NUP155: variants seen among roughly 807,000 people sequenced by gnomAD.
NUP155 encodes nucleoporin 155.
In NUP155, 71 loss-of-function variants were observed where a neutral mutation model predicts 180.4. That is an observed-to-expected ratio of 0.39 (90% confidence interval 0.33 to 0.48). The LOEUF (loss-of-function observed/expected upper bound fraction) is 0.48. Among genes scored for constraint, NUP155 ranks in the 20% least tolerant of loss-of-function variants. The pLI is 0.91. For missense variants in NUP155, 1,553 were observed against 1,648.9 expected, an observed-to-expected ratio of 0.94 and a Z score of 1.01; for synonymous variants, 582 against 559.5, an observed-to-expected ratio of 1.04 and a Z score of -0.57.
chr5:37,303,244 G>A lies in NUP155; in HGVS notation c.3317+16C>T, dbSNP rs1742963226. 6.2e-7 allele frequency: 1 copy of A among 1,613,298 alleles called. No homozygotes were observed. On this transcript the variant is annotated intron_variant, in intron 28 of 34. Coordinates refer to ENST00000231498, the MANE Select transcript of NUP155 (RefSeq NM_153485.3). ...AGTTTTGAATCATTCTTCACAATAA[G>A]AATATTATGCCATACCTATGCATGT...
intron 30 of NUP155, among the ~76,000 whole-genome samples, 155 bp from the exon 31 acceptor site, chr5:37,299,723 TAACTCCATATTTAAA>T (rs948380776): frequency 6.6e-6 from 1 of 152,086 alleles, no homozygotes; most frequent in African/African-American, 2.4e-5. Flanking sequence ...TAGCTGGTTA[TAACTCCATATTTAAA>T]AAGTTAAGGG....
chr5:37,299,431 T>C lies in NUP155; in HGVS notation c.3682+17A>G, dbSNP rs763615511. ...ACTACATAACGTATGCTAACATACC[T>C]ATAACTGAACACTTACCTTTCTCTA... On this transcript the variant is annotated intron_variant, in intron 31 of 34. Coordinates refer to ENST00000231498, the MANE Select transcript of NUP155 (RefSeq NM_153485.3). The C allele has an allele frequency of 6.2e-7, 1 of 1,613,986 alleles. No individual in the cohort carries two copies. The highest frequency in any genetic ancestry group is 1.7e-5 in the Admixed American group (1 of 60,024).
At position 37,331,742 on chromosome 5, in the gene NUP155, A is replaced by T. The variant is rs1193713342; in HGVS notation, c.1572T>A (p.Leu524=). ...LRPVDQLRHL[L]VSNVGGDGEE... is the part of the protein sequence containing the mutation. ...CTCCATCTCCTCCCACATTACTCAC[A>T]AGTAGATGCCTCAGTTGATCTACAG... The change falls in exon 14 of 35, where the codon CTT becomes CTA. Residue 524 remains leucine (L), a synonymous_variant. Coordinates refer to ENST00000231498, the MANE Select transcript of NUP155 (RefSeq NM_153485.3). 6.2e-7 allele frequency: 1 copy of T among 1,611,950 alleles called. No homozygotes were observed. Among genetic ancestry groups the T allele is most frequent in the Admixed American group, 1.7e-5 (1 of 60,016 alleles).
chr5:37,301,967 A>G (rs972193596), intron 29 of NUP155, among the ~76,000 whole-genome samples: 1 of 152,180 alleles, frequency 6.6e-6, no homozygotes, highest in Non-Finnish European at 1.5e-5. Context: ...CAGAGGCCCT[A>G]GGGAATGGTA....
intron 12 of NUP155, 75 bp from the exon 13 acceptor site, chr5:37,333,708 TAAA>T (rs1189319833): frequency 9.8e-6 from 10 of 1,021,370 alleles, no homozygotes; most frequent in Admixed American, 6.4e-5. Flanking sequence ...ACAGACTTAA[TAAA>T]GAAGTAAATT....
intron 18 of NUP155, chr5:37,327,243 T>C (rs1581165458): frequency 7.2e-6 from 2 of 277,564 alleles, no homozygotes; most frequent in East Asian, 9.8e-5. Context: ...ACAAAAAACA[T>C]ACAAAACGTG....
chr5:37,367,765 C>G (rs1417111912), intron 1 of NUP155, among the ~76,000 whole-genome samples: 1 of 151,796 alleles, frequency 6.6e-6, no homozygotes, highest in Non-Finnish European at 1.5e-5. Flanking sequence ...CATCTCCTGA[C>G]CTCGTGATCC....
Position 37,299,541 on chromosome 5 carries a change from T to C in NUP155, c.3589A>G (p.Lys1197Glu). The change falls in exon 31 of 35, where the codon AAA becomes GAA. Residue 1197 changes from lysine to glutamate, a missense_variant. Lys to Glu is a moderately conservative substitution (Grantham distance 56). Transcript: ENST00000231498. ...ATTGCAAGTTTGCACTCTGCAAGTT[T>C]AAATGGGTCAGCAAATTCCCCATAA... ...KLYGEFADPF[K>E]LAECKLAIIH... 3 of 1,614,068 alleles carry C rather than the reference T, an allele frequency of 1.9e-6. No homozygotes were observed. Among genetic ancestry groups the C allele is most frequent in the Non-Finnish European group, 2.5e-6 (3 of 1,179,952 alleles).
chr5:37,354,964 C>T (rs967409196), intron 4 of NUP155, among the ~76,000 whole-genome samples: 14 of 151,620 alleles, frequency 9.2e-5, no homozygotes, highest in African/African-American at 2.2e-4. Context: ...TGCTGGCGGG[C>T]GCCTGTAATC....
chr5:37,347,105 G>A (rs1746142026), intron 9 of NUP155, among the ~76,000 whole-genome samples: 1 of 152,136 alleles, frequency 6.6e-6, no homozygotes, highest in African/African-American at 2.4e-5. Context: ...GCATGTGCCT[G>A]TAGTCCTAGC....
In NUP155 at chr5:37,299,503, G is replaced by A. The variant is rs149980171; in HGVS notation, c.3627C>T (p.Ala1209=). 40 of 1,613,856 alleles carry A rather than the reference G, an allele frequency of 2.5e-5. No homozygotes were observed. Among genetic ancestry groups the A allele is most frequent in the South Asian group, 2.3e-4 (21 of 91,068 alleles). The part of the protein sequence containing the change: ...AECKLAIIHC[A]GYSDPILVQT... ...GCACCAATATAGGGTCTGAATAACC[G>A]GCACAATGAATTATTGCAAGTTTGC... The change falls in exon 31 of 35, where the codon GCC becomes GCT. Residue 1209 remains alanine, a synonymous_variant. Coordinates refer to ENST00000231498, the MANE Select transcript of NUP155 (RefSeq NM_153485.3).
chr5:37,360,168 G>A (rs78371579), intron 3 of NUP155, among the ~76,000 whole-genome samples: 7,343 of 151,862 alleles, frequency 0.048, 197 homozygotes, highest in South Asian at 0.077. Flanking sequence ...AAAGAATTTC[G>A]ACAAAAAGAT....
At chr5:37,318,139 A>G (rs1561780543) in intron 20 of NUP155, 54 bp from the exon 21 acceptor site, 3 of 952,422 alleles carry the variant, frequency 3.1e-6, no homozygotes, top group South Asian at 1.3e-5. Context: ...TTGAGATATA[A>G]CACATACAGT....
chr5:37,320,715 T>C (rs1183946895), intron 20 of NUP155, among the ~76,000 whole-genome samples: 1 of 152,068 alleles, frequency 6.6e-6, no homozygotes, highest in African/African-American at 2.4e-5. Flanking sequence ...TAATTGCAGA[T>C]GTAATGGTAA....
chr5:37,366,920 G>A (rs1747624000), intron 1 of NUP155, among the ~76,000 whole-genome samples: 1 of 152,192 alleles, frequency 6.6e-6, no homozygotes, highest in Admixed American at 6.5e-5. Context: ...AAAGTGCTGG[G>A]ATTACAGGCG....
chr5:37,335,854 G>C (rs181446738), intron 12 of NUP155, among the ~76,000 whole-genome samples: 350 of 152,130 alleles, frequency 2.3e-3, no homozygotes, highest in African/African-American at 8.2e-3. Flanking sequence ...TGGCGGGGAG[G>C]GGGTGGCGGG....
intron 23 of NUP155, among the ~76,000 whole-genome samples, chr5:37,309,911 G>A (rs1173330391): frequency 6.6e-6 from 1 of 152,038 alleles, no homozygotes; most frequent in Non-Finnish European, 1.5e-5. Context: ...AGCCAGGTGT[G>A]ATGGTGCACA....
intron 25 of NUP155, among the ~76,000 whole-genome samples, chr5:37,305,635 T>C (rs1360802235): frequency 6.6e-6 from 1 of 151,956 alleles, no homozygotes; most frequent in Admixed American, 6.6e-5. Context: ...TGAGCTGAGA[T>C]CATGCCACTG....
intron 1 of NUP155, among the ~76,000 whole-genome samples, chr5:37,368,337 A>C (rs905764059): frequency 6.2e-5 from 9 of 145,968 alleles, no homozygotes; most frequent in Admixed American, 1.4e-4. Flanking sequence ...CTCCCACCTC[A>C]GCCTCCCAAG....
Sources: allele counts gnomAD v4.1 joint callset (sites outside exome capture counted in the v4.1 genomes callset), GRCh38; gene constraint gnomAD v4.1.1; transcripts MANE v1.5; gene names NCBI Gene and HGNC (gene_info 2026-07-23, HGNC 2026-07-21).